SOCS2: variants seen among roughly 807,000 people sequenced by gnomAD.
SOCS2 encodes the protein CIS-2.
In SOCS2, 10 loss-of-function variants were observed where a neutral mutation model predicts 18.6. The ratio of observed to expected loss-of-function variants is 0.54; its 90% confidence interval spans 0.33 to 0.91. SOCS2 has a LOEUF of 0.91. Among genes scored for constraint, SOCS2 ranks in the 40% least tolerant of loss-of-function variants. SOCS2 has a pLI of 0.02. For missense variants in SOCS2, 231 were observed against 247.2 expected (o/e 0.93, Z 0.44); for synonymous variants, 104 against 104.0 (o/e 1.00, Z 0.00).
chr12:93,601,813 C>T, the SOCS2 span, among the ~76,000 whole-genome samples: 8 of 152,170 alleles, frequency 5.3e-5, no homozygotes, highest in Non-Finnish European at 1.2e-4. Flanking sequence ...TATCTTGATG[C>T]ATTATACAAC....
the SOCS2 span, among the ~76,000 whole-genome samples, chr12:93,593,389 A>G: frequency 1.3e-5 from 2 of 152,236 alleles, no homozygotes; most frequent in African/African-American, 4.8e-5. Context: ...GCAAACAAAT[A>G]GGGCTCAGCC....
chr12:93,578,682 G>GCACACACA (rs10594657), downstream of SOCS2, among the ~76,000 whole-genome samples: 2,882 of 146,634 alleles, frequency 0.02, 45 homozygotes, highest in Non-Finnish European at 0.03. Context: ...TTGCATGCTC[G>GCACACACA]CACACACACA....
the SOCS2 span, among the ~76,000 whole-genome samples, chr12:93,596,776 C>T: frequency 5.3e-5 from 8 of 152,046 alleles, no homozygotes; most frequent in South Asian, 2.1e-4. Context: ...TGCAGTGAGC[C>T]AAGATTACAC....
At chr12:93,587,537 C>T (rs190049232), downstream of SOCS2, among the ~76,000 whole-genome samples, 352 of 151,944 alleles carry the variant, frequency 2.3e-3, 2 homozygotes, top group African/African-American at 8.1e-3. Flanking sequence ...AAAAAGTAGC[C>T]GGGCGTGGTG....
chr12:93,588,525 C>G, the SOCS2 span, among the ~76,000 whole-genome samples: 6 of 151,884 alleles, frequency 4.0e-5, no homozygotes, highest in Admixed American at 1.3e-4. Context: ...GGAACGTGAT[C>G]GTTGAGGAGG....
chr12:93,610,567 A>G, the SOCS2 span, among the ~76,000 whole-genome samples: 2 of 152,318 alleles, frequency 1.3e-5, no homozygotes, highest in East Asian at 3.9e-4. Flanking sequence ...ATGTGGTAAT[A>G]TTAAGAAGTA....
At chr12:93,591,251 AC>A in the SOCS2 span, among the ~76,000 whole-genome samples, 4 of 151,526 alleles carry the variant, frequency 2.6e-5, no homozygotes, top group African/African-American at 9.7e-5. Context: ...TAAAAAAAAA[AC>A]AAACGAACAA....
the SOCS2 span, among the ~76,000 whole-genome samples, chr12:93,620,226 T>C: frequency 6.6e-6 from 1 of 152,230 alleles, no homozygotes; most frequent in Non-Finnish European, 1.5e-5. Context: ...TCTCATTTAA[T>C]ATTGGATCAT....
At chr12:93,595,604 T>A in the SOCS2 span, among the ~76,000 whole-genome samples, 1 of 152,326 alleles carries the variant, frequency 6.6e-6, no homozygotes, top group African/African-American at 2.4e-5. Flanking sequence ...TCGTGTTAAA[T>A]TCAGTTAGTT....
At chr12:93,573,453 T>C in intron 1 of SOCS2, 1 of 360,966 alleles carries the variant, frequency 2.8e-6, no homozygotes, top group Non-Finnish European at 4.9e-6. Flanking sequence ...GAGCTGCGGC[T>C]GCAGCCCAGG....
At chr12:93,582,275 G>A (rs1565844898) in intron 1 of SOCS2, among the ~76,000 whole-genome samples, 1 of 152,182 alleles carries the variant, frequency 6.6e-6, no homozygotes, top group African/African-American at 2.4e-5. Flanking sequence ...GTCTGAGGGT[G>A]ACTTGGGGCA....
the SOCS2 span, among the ~76,000 whole-genome samples, chr12:93,614,480 T>TTCCTTTCTTTCTTTCTTTCCTTCC: frequency 1.5e-4 from 4 of 26,134 alleles, 1 homozygote; most frequent in African/African-American, 8.8e-4. Flanking sequence ...CCTTCCTTCC[T>TTCCTTTCTTTCTTTCTTTCCTTCC]TTCCTTCCTT....
chr12:93,607,889 G>A, the SOCS2 span, among the ~76,000 whole-genome samples: 1 of 151,960 alleles, frequency 6.6e-6, no homozygotes, highest in Non-Finnish European at 1.5e-5. Context: ...TGTATGATGT[G>A]GGGCTTTATT....
At chr12:93,615,334 A>G in the SOCS2 span, among the ~76,000 whole-genome samples, 42 of 152,222 alleles carry the variant, frequency 2.8e-4, no homozygotes, top group Admixed American at 1.2e-3. Flanking sequence ...CAATGAATAG[A>G]TGCTTCAGAT....
chr12:93,600,829 C>T, the SOCS2 span, among the ~76,000 whole-genome samples: 1 of 150,480 alleles, frequency 6.6e-6, no homozygotes, highest in Non-Finnish European at 1.5e-5. Context: ...TGATCTGTCA[C>T]CCGGGCTGGA....
the SOCS2 span, among the ~76,000 whole-genome samples, chr12:93,605,265 A>G: frequency 6.6e-6 from 1 of 152,212 alleles, no homozygotes; most frequent in Non-Finnish European, 1.5e-5. Flanking sequence ...GCCGAGTGTT[A>G]CACACACTAT....
the SOCS2 span, among the ~76,000 whole-genome samples, chr12:93,611,009 G>A: frequency 6.6e-6 from 1 of 152,042 alleles, no homozygotes; most frequent in African/African-American, 2.4e-5. Context: ...ACTCCACAGG[G>A]TTCCTTACAT....
At chr12:93,571,689 G>A (rs1954258030), upstream of SOCS2, 1 of 279,190 alleles carries the variant, frequency 3.6e-6, no homozygotes, top group Non-Finnish European at 7.2e-6. Flanking sequence ...AGGCTTTTGT[G>A]TGCCCTCTGC....
the SOCS2 span, among the ~76,000 whole-genome samples, chr12:93,598,728 A>C: frequency 6.6e-6 from 1 of 152,172 alleles, no homozygotes; most frequent in African/African-American, 2.4e-5. Flanking sequence ...TTATCTATTA[A>C]TTTACTTATT....
Sources: allele counts gnomAD v4.1 joint callset (sites outside exome capture counted in the v4.1 genomes callset), GRCh38; gene constraint gnomAD v4.1.1; transcripts MANE v1.5; gene names NCBI Gene and HGNC (gene_info 2026-07-23, HGNC 2026-07-21).